Variants in COL4A4 observed in about 807,000 individuals in gnomAD.
COL4A4 encodes the protein collagen type IV alpha 4 chain.
In COL4A4, 105 loss-of-function variants were observed where a neutral mutation model predicts 192.9. That is an observed-to-expected ratio of 0.54 (90% CI 0.46 to 0.64). The LOEUF (loss-of-function observed/expected upper bound fraction) is 0.64, where lower values mean the gene tolerates loss of function less well. COL4A4 is among the 30% of genes least tolerant of loss of function. The pLI, the probability that COL4A4 is intolerant of heterozygous loss-of-function variation, is 0.00. For missense variants in COL4A4, 1,967 were observed against 2,169.3 expected, an observed-to-expected ratio of 0.91 and a Z score of 1.85; for synonymous variants, 762 against 769.9, an observed-to-expected ratio of 0.99 and a Z score of 0.17.
chr2:227,129,462 T>A (rs2125136245), intron 4 of COL4A4, among the ~76,000 whole-genome samples: 1 of 149,456 alleles, frequency 6.7e-6, no homozygotes, highest in Admixed American at 6.8e-5. Flanking sequence ...CAGGCTGGAG[T>A]ACAGTGGTGC....
intron 35 of COL4A4, among the ~76,000 whole-genome samples, chr2:227,046,475 G>A (rs1312680281): frequency 6.6e-6 from 1 of 151,916 alleles, no homozygotes; most frequent in East Asian, 1.9e-4. Context: ...ATGGACATTT[G>A]TTCCATTCAA....
chr2:227,045,819 C>CAT lies in COL4A4; in HGVS notation c.3289+1654_3289+1655dup, dbSNP rs1162059473. On this transcript the variant is annotated intron_variant, in intron 35 of 47. Transcript: ENST00000396625. The stretch of plus-strand genomic sequence containing the variant: ...ATATACACATATATATATATATACA[C>CAT]ATATATATATATACACACATATATA... 1.8e-3 allele frequency among the ~76,000 whole-genome samples: 62 copies of CAT among 34,264 alleles called. 12 individuals carry two copies. The highest frequency in any genetic ancestry group is 6.0e-3 in the African/African-American group (35 of 5,798). The allele number at this position is 34,264 out of a possible 152,430, so 22.5% of individuals were successfully genotyped here. A position where few individuals can be genotyped will look rare whatever the true frequency, so the allele number is the denominator to read the frequency against.
At chr2:226,971,613 A>AT in the COL4A4 span, among the ~76,000 whole-genome samples, 1 of 152,114 alleles carries the variant, frequency 6.6e-6, no homozygotes, top group African/African-American at 2.4e-5. Context: ...GCTATAGTTT[A>AT]TTTTTTTGCC....
chr2:227,127,998 G>A (rs2062188365), intron 4 of COL4A4, among the ~76,000 whole-genome samples: 1 of 152,192 alleles, frequency 6.6e-6, no homozygotes, highest in Non-Finnish European at 1.5e-5. Flanking sequence ...GGGAAGGAAT[G>A]TATTTATTAG....
chr2:227,067,895 C>A (rs1429801107), intron 25 of COL4A4, among the ~76,000 whole-genome samples: 4 of 138,672 alleles, frequency 2.9e-5, no homozygotes, highest in Non-Finnish European at 4.7e-5. Context: ...AATAGAGACA[C>A]AAAAAACCCT....
At chr2:226,971,870 T>C in the COL4A4 span, among the ~76,000 whole-genome samples, 9 of 152,098 alleles carry the variant, frequency 5.9e-5, no homozygotes, top group Non-Finnish European at 1.3e-4. Context: ...AAGGAACTTA[T>C]TGAACATGAT....
intron 19 of COL4A4, among the ~76,000 whole-genome samples, chr2:227,095,996 C>A (rs2060190964): frequency 6.6e-6 from 1 of 152,176 alleles, no homozygotes; most frequent in Non-Finnish European, 1.5e-5. Flanking sequence ...TCCAGATCCT[C>A]TCTGTGGAAG....
intron 19 of COL4A4, among the ~76,000 whole-genome samples, chr2:227,096,378 G>A (rs954468367): frequency 6.6e-6 from 1 of 152,094 alleles, no homozygotes. Context: ...CTAGGTTTTA[G>A]GAAATTTTTT....
chr2:227,089,429 G>A (rs939410198), intron 21 of COL4A4, among the ~76,000 whole-genome samples: 3 of 151,702 alleles, frequency 2.0e-5, no homozygotes, highest in Non-Finnish European at 4.4e-5. Context: ...AATTTAGAGT[G>A]GAGAAGCAGA....
chr2:227,104,801 C>T (rs892497874), intron 12 of COL4A4, among the ~76,000 whole-genome samples: 8 of 151,054 alleles, frequency 5.3e-5, no homozygotes, highest in South Asian at 2.1e-4. Context: ...CCACCATGCC[C>T]GGCTAATTTT....
At chr2:227,035,944 G>A (rs1001447680) in intron 37 of COL4A4, among the ~76,000 whole-genome samples, 6 of 152,074 alleles carry the variant, frequency 3.9e-5, no homozygotes, top group South Asian at 2.1e-4. Flanking sequence ...CAATGTTATC[G>A]TTCTAAATTG....
intron 1 of COL4A4, among the ~76,000 whole-genome samples, chr2:227,157,238 G>A (rs2125514135): frequency 6.6e-6 from 1 of 152,146 alleles, no homozygotes; most frequent in South Asian, 2.1e-4. Flanking sequence ...ATCAGAAAAT[G>A]TTTTGAGCTG....
chr2:227,083,197 C>A (rs1220744385), intron 22 of COL4A4, among the ~76,000 whole-genome samples: 2 of 152,124 alleles, frequency 1.3e-5, no homozygotes, highest in Non-Finnish European at 2.9e-5. Context: ...CCACTGTACT[C>A]CAGCCTGGGT....
At chr2:227,078,104 T>C in intron 24 of COL4A4, 27 bp from the exon 25 acceptor site, 1 of 1,610,544 alleles carries the variant, frequency 6.2e-7, no homozygotes, top group Non-Finnish European at 8.5e-7. Flanking sequence ...ATGAGTCAAT[T>C]ACCAACCACT....
chr2:227,047,243 C>T (rs1388922198), intron 35 of COL4A4, among the ~76,000 whole-genome samples: 1 of 152,002 alleles, frequency 6.6e-6, no homozygotes, highest in Admixed American at 6.5e-5. Context: ...TCATCGGTCA[C>T]ATGAGCCATG....
At chr2:227,054,224 T>C (rs1027449994) in intron 31 of COL4A4, among the ~76,000 whole-genome samples, 1 of 152,284 alleles carries the variant, frequency 6.6e-6, no homozygotes, top group South Asian at 2.1e-4. Flanking sequence ...AAATTGTTAT[T>C]ATCAGGCTTT....
chr2:227,136,323 C>T (rs2062811307), intron 4 of COL4A4, among the ~76,000 whole-genome samples: 1 of 152,172 alleles, frequency 6.6e-6, no homozygotes, highest in Non-Finnish European at 1.5e-5. Context: ...TGTGGTTTGG[C>T]ATCTCCACTG....
Position 227,060,235 on chromosome 2 carries a change from C to T in COL4A4, c.2065G>A (p.Gly689Arg), listed in dbSNP as rs1419631048. ...PGFDGPPGPK[G>R]FPGPQGAPGL... ...GGGGCACCTTGGGGACCTGGAAATCCCTTCGGACCTAAACAATAATAAAAA... is the reference window on the plus strand; with the variant it reads ...GGGGCACCTTGGGGACCTGGAAATCTCTTCGGACCTAAACAATAATAAAAA... Residue 689 changes from glycine to arginine, a missense_variant, in exon 27 of 48, where the codon GGA (glycine) becomes AGA (arginine). Transcript: ENST00000396625. 6.2e-7 allele frequency: 1 copy of T among 1,610,606 alleles called. No individual in the cohort carries two copies. Among genetic ancestry groups the T allele is most frequent in the Non-Finnish European group, 8.5e-7 (1 of 1,177,678 alleles).
chr2:227,052,458 A>G (rs1437575095), intron 31 of COL4A4, 46 bp from the exon 32 acceptor site: 23 of 1,114,226 alleles, frequency 2.1e-5, no homozygotes, highest in African/African-American at 3.1e-5. Context: ...GGAACATCAC[A>G]CACATAATTT....
Sources: gnomAD v4.1 joint callset for allele counts (sites outside exome capture counted in the v4.1 genomes callset) on GRCh38, gnomAD v4.1.1 for gene constraint, MANE v1.5 for transcripts, NCBI Gene and HGNC (gene_info 2026-07-23, HGNC 2026-07-21) for gene names.